Variants in VMP1 observed in about 807,000 individuals in gnomAD.
The protein encoded by VMP1 is ectopic P-granules autophagy protein 3 homolog.
VMP1 carries 11 observed loss-of-function variants against 56.0 expected under a neutral mutation model. The ratio of observed to expected loss-of-function variants is 0.20; its 90% CI spans 0.12 to 0.32. The LOEUF (loss-of-function observed/expected upper bound fraction) is 0.32, where lower values mean the gene tolerates loss of function less well. VMP1 is among the 10% of genes least tolerant of loss of function. VMP1 has a pLI of 1.00. For missense variants in VMP1, 296 were observed against 490.3 expected (o/e 0.60, Z 3.74); for synonymous variants, 149 against 165.0 (o/e 0.90, Z 0.74).
intron 10 of VMP1, among the ~76,000 whole-genome samples, chr17:59,820,785 TCTG>T (rs1414159741): frequency 6.6e-6 from 1 of 152,184 alleles, no homozygotes; most frequent in Non-Finnish European, 1.5e-5. Context: ...ACTTGGTAAA[TCTG>T]CTGAATAAGT....
chr17:59,718,140 C>T (rs113137579), intron 1 of VMP1, among the ~76,000 whole-genome samples: 8 of 151,458 alleles, frequency 5.3e-5, no homozygotes, highest in African/African-American at 1.9e-4. Flanking sequence ...TTGTCTAATT[C>T]CCCAAGACTG....
At chr17:59,752,751 T>A (rs1007863316) in intron 5 of VMP1, among the ~76,000 whole-genome samples, 2 of 152,182 alleles carry the variant, frequency 1.3e-5, no homozygotes, top group Non-Finnish European at 1.5e-5. Flanking sequence ...TTAGATGTCA[T>A]GTGTAGGATG....
intron 7 of VMP1, among the ~76,000 whole-genome samples, chr17:59,798,091 G>A (rs1378105040): frequency 1.3e-5 from 2 of 152,044 alleles, no homozygotes; most frequent in Admixed American, 6.6e-5. Context: ...CCATTAAGAG[G>A]TATATTTTAG....
intron 10 of VMP1, among the ~76,000 whole-genome samples, chr17:59,836,278 G>A (rs2038978891): frequency 1.3e-5 from 2 of 151,646 alleles, no homozygotes; most frequent in South Asian, 2.1e-4. Flanking sequence ...CGAGGCTGGA[G>A]TACAGTGCAG....
At chr17:59,748,887 A>ATT (rs1420191096) in intron 5 of VMP1, among the ~76,000 whole-genome samples, 2 of 138,752 alleles carry the variant, frequency 1.4e-5, no homozygotes, top group East Asian at 2.0e-4. Context: ...TATTATTATT[A>ATT]TTATTTATTT....
Position 59,811,551 on chromosome 17 carries a change from AC to A in VMP1, c.796-116del, listed in dbSNP as rs2038051552. The A allele has an allele frequency of 4.1e-6, 3 of 738,262 alleles. No individual in the cohort carries two copies. In the East Asian group the frequency reaches 7.4e-5, roughly 18 times the overall value. 45.7% of individuals were successfully genotyped at this position (738,262 alleles called of 1,614,324 possible). ...TGAACAATCCAGTAGTGATCAAGGAACCCATATATTGCTTTGCAGTGTAAGC... is the reference window on the plus strand; with the variant it reads ...TGAACAATCCAGTAGTGATCAAGGAACCATATATTGCTTTGCAGTGTAAGC... On this transcript the variant is annotated intron_variant, in intron 8 of 11. Transcript: ENST00000262291.
intron 7 of VMP1, among the ~76,000 whole-genome samples, chr17:59,795,293 A>G (rs2037398125): frequency 6.8e-6 from 1 of 147,688 alleles, no homozygotes; most frequent in Admixed American, 7.0e-5. Flanking sequence ...TATTTTTAGT[A>G]GAGATGGGGT....
At chr17:59,720,508 C>T (rs2034348908) in intron 1 of VMP1, among the ~76,000 whole-genome samples, 2 of 152,016 alleles carry the variant, frequency 1.3e-5, no homozygotes, top group African/African-American at 4.8e-5. Flanking sequence ...AAAGGAAGTA[C>T]CTGTAAGTGA....
At chr17:59,809,304 CTTTTT>C (rs57274450) in intron 8 of VMP1, among the ~76,000 whole-genome samples, 1 of 33,452 alleles carries the variant, frequency 3.0e-5, no homozygotes, top group Non-Finnish European at 4.4e-5. Flanking sequence ...GCCCATTCAA[CTTTTT>C]TTTTTTTTTT....
intron 5 of VMP1, among the ~76,000 whole-genome samples, chr17:59,747,471 A>T (rs1459707131): frequency 2.0e-5 from 3 of 148,828 alleles, no homozygotes; most frequent in African/African-American, 5.0e-5. Context: ...GTACAGTGGC[A>T]CAATCTCGGC....
intron 5 of VMP1, among the ~76,000 whole-genome samples, chr17:59,747,277 A>G (rs1035814786): frequency 6.6e-6 from 1 of 152,142 alleles, no homozygotes; most frequent in Non-Finnish European, 1.5e-5. Flanking sequence ...TTAATAGTCT[A>G]CCTTTCTGGC....
chr17:59,808,992 G>T, intron 8 of VMP1, 116 bp downstream of exon 8: 7 of 790,704 alleles, frequency 8.9e-6, no homozygotes, highest in Non-Finnish European at 1.3e-5. Flanking sequence ...GTAATTTTGT[G>T]AATCATTCAC....
intron 7 of VMP1, among the ~76,000 whole-genome samples, chr17:59,793,772 G>GA (rs2037323380): frequency 1.6e-5 from 1 of 63,298 alleles, no homozygotes; most frequent in Non-Finnish European, 5.2e-5. Flanking sequence ...AATTACAGGC[G>GA]AGCACCACCA....
rs138598619 is a variant in VMP1, at chr17:59,770,741, C to T, written c.583-3013C>T. On this transcript the variant is annotated intron_variant, in intron 6 of 11. Coordinates refer to ENST00000262291, the MANE Select transcript of VMP1 (RefSeq NM_030938.5). ...GATTATAGGCGCACACCACCATACC[C>T]GGCTAATTTTTTGTATTTTTAGTAG... 3.5e-3 allele frequency among the ~76,000 whole-genome samples: 534 copies of T among 151,930 alleles called. 4 individuals carry two copies. The highest frequency in any genetic ancestry group is 0.012 in the African/African-American group (509 of 41,444).
intron 7 of VMP1, among the ~76,000 whole-genome samples, chr17:59,789,835 C>CTTTTTT (rs754631557): frequency 0.022 from 1,848 of 85,944 alleles, 177 homozygotes; most frequent in African/African-American, 0.067. Flanking sequence ...CTTTCTTTCC[C>CTTTTTT]TTTTTTTTTT....
chr17:59,781,513 G>A (rs1258251533), intron 7 of VMP1, among the ~76,000 whole-genome samples: 2 of 151,964 alleles, frequency 1.3e-5, no homozygotes, highest in Admixed American at 6.6e-5. Context: ...TTTTTATTAC[G>A]AAGTGATACA....
intron 1 of VMP1, among the ~76,000 whole-genome samples, chr17:59,710,777 T>C (rs1348491767): frequency 2.0e-5 from 3 of 151,692 alleles, no homozygotes; most frequent in Non-Finnish European, 4.4e-5. Flanking sequence ...TGCTAAAGAG[T>C]AGGAGAGAAC....
At chr17:59,732,989 G>A (rs2034890101) in intron 2 of VMP1, among the ~76,000 whole-genome samples, 1 of 152,132 alleles carries the variant, frequency 6.6e-6, no homozygotes, top group Admixed American at 6.5e-5. Context: ...ACAACACAGG[G>A]AAACCTCATC....
intron 7 of VMP1, among the ~76,000 whole-genome samples, chr17:59,774,120 C>T (rs1375293899): frequency 6.6e-6 from 1 of 152,040 alleles, no homozygotes; most frequent in African/African-American, 2.4e-5. Context: ...AACACCTTGT[C>T]AGAAACCAGG....
Sources: gnomAD v4.1 joint callset for allele counts (sites outside exome capture counted in the v4.1 genomes callset) on GRCh38, gnomAD v4.1.1 for gene constraint, MANE v1.5 for transcripts, NCBI Gene and HGNC (gene_info 2026-07-23, HGNC 2026-07-21) for gene names.